The following CKMT2 variants were observed in gnomAD, a reference collection of about 807,000 sequenced individuals.
CKMT2 encodes the protein creatine kinase S-type, mitochondrial.
In CKMT2, 43 loss-of-function variants were observed where a neutral mutation model predicts 48.9. The observed-to-expected ratio is 0.88, with a 90% CI of 0.69 to 1.13. CKMT2 has a LOEUF of 1.13. Ranked by LOEUF, CKMT2 falls within the 50% of genes most tolerant of loss-of-function variation. CKMT2 has a pLI of 0.00. For synonymous variants in CKMT2, 206 were observed against 213.0 expected (o/e 0.97, Z 0.29); for missense variants, 472 against 555.4 (o/e 0.85, Z 1.51).
chr5:81,236,833 C>G (rs1295763900), intron 1 of CKMT2, among the ~76,000 whole-genome samples: 1 of 152,186 alleles, frequency 6.6e-6, no homozygotes. Flanking sequence ...CCTTTGAAGT[C>G]TTGTCCGCAG....
chr5:81,254,628 C>CAGAGGGAAGG, intron 4 of CKMT2, 137 bp downstream of exon 4: 1 of 706,894 alleles, frequency 1.4e-6, no homozygotes, highest in Non-Finnish European at 2.4e-6. Context: ...CACAGCCTTC[C>CAGAGGGAAGG]CTCTGGAGGG....
Position 81,252,755 on chromosome 5 carries a change from C to A in CKMT2, c.213C>A (p.Ala71=). Residue 71 remains alanine (A), a synonymous_variant, in exon 3 of 10, where the codon GCC becomes GCA. Transcript: ENST00000254035. ...NNCMAECLTP[A]IYAKLRNKVT... ...GCATGGCCGAGTGCCTCACCCCCGC[C>A]ATTTATGCCAAGCTTCGCAACAAGG... is the stretch of plus-strand genomic sequence containing the variant. The A allele has an allele frequency of 6.2e-7, 1 of 1,614,236 alleles. No individual in the cohort carries two copies. Among genetic ancestry groups the A allele is most frequent in the Non-Finnish European group, 8.5e-7 (1 of 1,180,046 alleles).
rs777484672 is a variant in CKMT2 at position 81,259,148 on chromosome 5, G to A, written c.908G>A (p.Trp303Ter). ...EVERLIQERGWEFMWNERLGY... is the reference protein window; with the variant it reads ...EVERLIQERG ...GAACGGTTAATCCAAGAACGAGGCT[G>A]GGAGTTCATGTGGAATGAGCGCCTA... Residue 303 changes from tryptophan (W) to a stop codon, truncating the protein, a stop_gained, in exon 8 of 10, where the codon TGG (tryptophan) becomes TAG (stop). Transcript: ENST00000254035. LOFTEE classifies it high-confidence loss of function. 2.5e-6 allele frequency: 4 copies of A among 1,613,738 alleles called. No individual in the cohort carries two copies. The East Asian group carries it at 6.7e-5, about 27-fold the overall frequency.
intron 1 of CKMT2, chr5:81,239,268 CA>C (rs1756353964): frequency 6.6e-6 from 1 of 152,242 alleles, no homozygotes; most frequent in African/African-American, 2.4e-5. Context: ...CTCCAAATTT[CA>C]GGGGAATTAT....
chr5:81,251,005 A>T, intron 1 of CKMT2, 108 bp from the exon 2 acceptor site: 1 of 737,366 alleles, frequency 1.4e-6, no homozygotes, highest in Non-Finnish European at 2.3e-6. Context: ...AGACAGAGAC[A>T]CCGGAAAGAG....
chr5:81,258,024 AGAGTAGCTGGG>A, intron 7 of CKMT2, 168 bp downstream of exon 7: 1 of 548,622 alleles, frequency 1.8e-6, no homozygotes, highest in Non-Finnish European at 3.1e-6. Flanking sequence ...CTCAGCCTCT[AGAGTAGCTGGG>A]ATTACAGGTG....
chr5:81,257,743 G>GC lies in CKMT2; in HGVS notation c.766_767insC (p.Asp256AlafsTer2). The GC allele has an allele frequency of 6.2e-7, 1 of 1,611,978 alleles. No individual in the cohort carries two copies. Among genetic ancestry groups the GC allele is most frequent in the Non-Finnish European group, 8.5e-7 (1 of 1,178,668 alleles). ...TTCTCTCTTCATTAGGCATAATTAT[G>GC]ATAAGACATTTCTCATCTGGATAAA... is the stretch of plus-strand genomic sequence containing the variant. On this transcript the variant is annotated frameshift_variant, in exon 7 of 10. Transcript: ENST00000254035. LOFTEE classifies it high-confidence loss of function.
intron 1 of CKMT2, among the ~76,000 whole-genome samples, chr5:81,235,199 A>G (rs540723067): frequency 6.6e-6 from 1 of 152,210 alleles, no homozygotes; most frequent in Non-Finnish European, 1.5e-5. Flanking sequence ...GATTCTAAAT[A>G]TCTCCTTCCT....
chr5:81,259,319 G>A (rs1000906862), intron 8 of CKMT2, 65 bp downstream of exon 8: 2 of 1,438,400 alleles, frequency 1.4e-6, no homozygotes, highest in African/African-American at 1.4e-5. Context: ...GCTTTGTGGA[G>A]GAAGAAAACA....
intron 1 of CKMT2, among the ~76,000 whole-genome samples, chr5:81,246,052 C>T (rs1216640605): frequency 6.6e-6 from 1 of 152,010 alleles, no homozygotes; most frequent in South Asian, 2.1e-4. Flanking sequence ...GTCTCAGCAC[C>T]TTATCTCTCA....
At chr5:81,237,544 T>C (rs561632326) in intron 1 of CKMT2, 1 of 152,328 alleles carries the variant, frequency 6.6e-6, no homozygotes, top group Non-Finnish European at 1.5e-5. Flanking sequence ...AATCCAAAAT[T>C]TTAACACACA....
chr5:81,255,186 C>G lies in CKMT2; in HGVS notation c.641C>G (p.Thr214Arg), dbSNP rs759425869. The G allele has an allele frequency of 6.2e-7, 1 of 1,614,038 alleles. No individual in the cohort carries two copies. Among genetic ancestry groups the G allele is most frequent in the Non-Finnish European group, 8.5e-7 (1 of 1,179,976 alleles). ...AGRYYKLSEM[T>R]EQDQQRLIDD... is the part of the protein sequence containing the mutation. ...CGCTACTACAAGCTGTCCGAGATGA[C>G]GGAGCAGGACCAGCAGCGGCTCATC... The change falls in exon 5 of 10, where the codon ACG becomes AGG. Residue 214 changes from threonine (T) to arginine (R), a missense_variant. Transcript: ENST00000254035.
intron 1 of CKMT2, among the ~76,000 whole-genome samples, chr5:81,245,998 T>C (rs915656523): frequency 6.6e-6 from 1 of 152,080 alleles, no homozygotes; most frequent in African/African-American, 2.4e-5. Context: ...TGCCCCAGAA[T>C]AGACTGCAAA....
At position 81,257,072 on chromosome 5, in the gene CKMT2, C is replaced by T. The variant is rs762798768; in HGVS notation, c.755+72C>T. 6.6e-5 allele frequency: 83 copies of T among 1,253,242 alleles called. No homozygotes were observed. The Admixed American group carries it at 1.2e-3, about 18-fold the overall frequency. 77.6% of individuals were successfully genotyped at this position (1,253,242 alleles called of 1,614,324 possible). A position where few individuals can be genotyped will look rare whatever the true frequency, so the allele number is the denominator to read the frequency against. Reference sequence around the variant, plus strand: ...TTTGAGATCACCTGCTTATCCTAACCTGGAGTTGCTGTGTACTGCAGTTGA... The same window carrying T: ...TTTGAGATCACCTGCTTATCCTAACTTGGAGTTGCTGTGTACTGCAGTTGA... On this transcript the variant is annotated intron_variant, in intron 6 of 9. Coordinates refer to ENST00000254035, the MANE Select transcript of CKMT2 (RefSeq NM_001099735.2).
chr5:81,254,281 CAG>C (rs931799700), intron 3 of CKMT2, 113 bp from the exon 4 acceptor site: 7 of 754,118 alleles, frequency 9.3e-6, no homozygotes, highest in Admixed American at 2.2e-5. Flanking sequence ...CTGAAAATTT[CAG>C]AGAAGGAGGG....
chr5:81,238,548 T>C (rs1756325575), intron 1 of CKMT2: 1 of 152,166 alleles, frequency 6.6e-6, no homozygotes, highest in South Asian at 2.1e-4. Flanking sequence ...AAATCACTCT[T>C]CTGTGAAGAC....
intron 1 of CKMT2, 85 bp from the exon 2 acceptor site, chr5:81,251,028 C>T (rs1756793273): frequency 2.1e-6 from 2 of 958,510 alleles, no homozygotes; most frequent in Admixed American, 2.1e-5. Context: ...GCTATGGCTC[C>T]TGCAGTTCTC....
chr5:81,257,411 G>A (rs532405218), intron 6 of CKMT2, among the ~76,000 whole-genome samples: 1 of 152,152 alleles, frequency 6.6e-6, no homozygotes, highest in Non-Finnish European at 1.5e-5. Flanking sequence ...AATCTTTTAG[G>A]AGACAAAACA....
intron 7 of CKMT2, 152 bp from the exon 8 acceptor site, chr5:81,258,968 G>T (rs1164113527): frequency 4.5e-6 from 3 of 672,564 alleles, no homozygotes; most frequent in South Asian, 2.9e-5. Context: ...GGTAGGAGAG[G>T]TATTATTTTC....
Sources: gnomAD v4.1 joint callset for allele counts (sites outside exome capture counted in the v4.1 genomes callset) on GRCh38, gnomAD v4.1.1 for gene constraint, MANE v1.5 for transcripts, NCBI Gene and HGNC (gene_info 2026-07-23, HGNC 2026-07-21) for gene names.